Variants in RABGAP1L observed in about 807,000 individuals in gnomAD.
The protein encoded by RABGAP1L is RAB GTPase activating protein 1 like.
In RABGAP1L, 63 loss-of-function variants were observed where a neutral mutation model predicts 137.7. The observed-to-expected ratio is 0.46, with a 90% confidence interval of 0.37 to 0.56. RABGAP1L has a LOEUF of 0.56. Among genes scored for constraint, RABGAP1L ranks in the 20% least tolerant of loss-of-function variants. RABGAP1L has a pLI of 0.00. For missense variants in RABGAP1L, 1,095 were observed against 1,244.0 expected (o/e 0.88, Z 1.80); for synonymous variants, 431 against 433.7 (o/e 0.99, Z 0.08).
intron 14 of RABGAP1L, among the ~76,000 whole-genome samples, chr1:174,683,201 G>T (rs1678213209): frequency 1.3e-5 from 2 of 150,678 alleles, no homozygotes; most frequent in African/African-American, 4.9e-5. Context: ...CCCACCCTTT[G>T]CCTCTGCCTC....
At chr1:174,642,595 G>C (rs1674613866) in intron 14 of RABGAP1L, among the ~76,000 whole-genome samples, 1 of 151,958 alleles carries the variant, frequency 6.6e-6, no homozygotes, top group Non-Finnish European at 1.5e-5. Flanking sequence ...GTCTGAATGA[G>C]CCCTAGTTGA....
intron 11 of RABGAP1L, among the ~76,000 whole-genome samples, chr1:174,323,944 G>C (rs979266784): frequency 6.6e-6 from 1 of 152,076 alleles, no homozygotes; most frequent in Non-Finnish European, 1.5e-5. Context: ...GTGTGGATAT[G>C]CTCTATAATG....
At chr1:174,837,907 C>A (rs868195246) in intron 19 of RABGAP1L, among the ~76,000 whole-genome samples, 1 of 152,094 alleles carries the variant, frequency 6.6e-6, no homozygotes, top group African/African-American at 2.4e-5. Context: ...TCTTAGGTGG[C>A]AGAAATGTAA....
chr1:174,797,741 G>A (rs1241247749), intron 18 of RABGAP1L, among the ~76,000 whole-genome samples: 1 of 151,524 alleles, frequency 6.6e-6, no homozygotes. Context: ...GTGGGTGTGT[G>A]TGTGTGTTTA....
chr1:174,529,549 G>A (rs1470640362), intron 13 of RABGAP1L, among the ~76,000 whole-genome samples: 1 of 152,032 alleles, frequency 6.6e-6, no homozygotes, highest in African/African-American at 2.4e-5. Flanking sequence ...GGTTTGGTGT[G>A]CCTGTTCCTG....
At chr1:174,520,082 A>T (rs967181789) in intron 13 of RABGAP1L, among the ~76,000 whole-genome samples, 6 of 152,254 alleles carry the variant, frequency 3.9e-5, no homozygotes, top group Non-Finnish European at 7.3e-5. Context: ...AGAAAGGCAG[A>T]TGGCAGATTT....
intron 13 of RABGAP1L, among the ~76,000 whole-genome samples, chr1:174,514,204 A>G (rs1662595965): frequency 6.8e-6 from 1 of 147,118 alleles, no homozygotes; most frequent in Admixed American, 6.9e-5. Flanking sequence ...CTGTTTTGTG[A>G]TACTGGATTT....
intron 11 of RABGAP1L, among the ~76,000 whole-genome samples, chr1:174,341,253 T>C (rs144820131): frequency 1.4e-3 from 213 of 152,322 alleles, no homozygotes; most frequent in African/African-American, 4.5e-3. Flanking sequence ...CTAACTTCAG[T>C]GTGATAAGTG....
At chr1:174,392,571 A>G (rs1177317210) in intron 12 of RABGAP1L, among the ~76,000 whole-genome samples, 1 of 152,172 alleles carries the variant, frequency 6.6e-6, no homozygotes, top group African/African-American at 2.4e-5. Flanking sequence ...ATTAAATCTG[A>G]TGGTTTACTA....
At chr1:174,453,062 C>T (rs1655618180) in intron 13 of RABGAP1L, among the ~76,000 whole-genome samples, 1 of 152,096 alleles carries the variant, frequency 6.6e-6, no homozygotes, top group African/African-American at 2.4e-5. Flanking sequence ...GCTCGTTTCC[C>T]AGGAATAGTT....
intron 19 of RABGAP1L, among the ~76,000 whole-genome samples, chr1:174,913,284 C>A (rs1464927803): frequency 6.6e-6 from 1 of 152,036 alleles, no homozygotes; most frequent in Non-Finnish European, 1.5e-5. Flanking sequence ...CCTCTACATG[C>A]TTATTTCTAA....
chr1:174,924,913 CA>C (rs745377738), intron 19 of RABGAP1L, among the ~76,000 whole-genome samples: 2 of 151,976 alleles, frequency 1.3e-5, no homozygotes, highest in African/African-American at 4.8e-5. Flanking sequence ...AAAAATAGGA[CA>C]AGGTCAGGAA....
chr1:174,857,843 T>C (rs559648760), intron 19 of RABGAP1L, among the ~76,000 whole-genome samples: 51 of 152,294 alleles, frequency 3.3e-4, no homozygotes, highest in African/African-American at 1.2e-3. Flanking sequence ...AGAAAGTTTT[T>C]CACAGATACT....
intron 5 of RABGAP1L, among the ~76,000 whole-genome samples, chr1:174,243,524 A>T (rs931790706): frequency 5.9e-5 from 9 of 152,180 alleles, no homozygotes; most frequent in African/African-American, 2.2e-4. Flanking sequence ...TTTAAAAAAA[A>T]TTTTAAAAAT....
At chr1:174,187,784 A>ATTTTTTTTTTTTTTTTTTTTTTTTTTT in intron 1 of RABGAP1L, among the ~76,000 whole-genome samples, 1 of 152,258 alleles carries the variant, frequency 6.6e-6, no homozygotes, top group South Asian at 2.1e-4. Context: ...CATAGGCACT[A>ATTTTTTTTTTTTTTTTTTTTTTTTTTT]TTATTAATAA....
intron 18 of RABGAP1L, among the ~76,000 whole-genome samples, chr1:174,778,465 C>T (rs1052172119): frequency 1.9e-4 from 29 of 152,130 alleles, no homozygotes; most frequent in African/African-American, 6.0e-4. Flanking sequence ...AATTGGGGAG[C>T]GTGGCAAATG....
chr1:174,391,314 A>AT (rs1169445808), intron 12 of RABGAP1L, among the ~76,000 whole-genome samples: 1 of 151,968 alleles, frequency 6.6e-6, no homozygotes, highest in African/African-American at 2.4e-5. Context: ...TGAAGAAAGG[A>AT]TTTTTTTCAA....
At chr1:174,864,682 C>T (rs1299708877) in intron 19 of RABGAP1L, among the ~76,000 whole-genome samples, 1 of 152,210 alleles carries the variant, frequency 6.6e-6, no homozygotes, top group East Asian at 1.9e-4. Flanking sequence ...ATTTGGATTA[C>T]AATTCAATAT....
rs991611096 is a variant in RABGAP1L at position 174,586,834 on chromosome 1, G to C, written c.1711-50541G>C. On this transcript the variant is annotated intron_variant, in intron 13 of 25. Transcript: ENST00000681986. ...TGATCTCGAACTCTTGGCCTCAGGT[G>C]ATCCATCTGCTTTGGCCCCCCAAAG... 2.0e-5 allele frequency among the ~76,000 whole-genome samples: 3 copies of C among 152,150 alleles called. No homozygotes were observed. The South Asian group carries it at 6.2e-4, about 32-fold the overall frequency.
Sources: allele counts gnomAD v4.1 joint callset (sites outside exome capture counted in the v4.1 genomes callset), GRCh38; gene constraint gnomAD v4.1.1; transcripts MANE v1.5; gene names NCBI Gene and HGNC (gene_info 2026-07-23, HGNC 2026-07-21).